ATCAY: variants seen among roughly 807,000 people sequenced by gnomAD.
The protein encoded by ATCAY is ATCAY kinesin light chain interacting caytaxin.
ATCAY carries 22 observed loss-of-function variants against 47.7 expected under a neutral mutation model. That is an observed-to-expected ratio of 0.46 (90% CI 0.33 to 0.66). The LOEUF is 0.66. Ranked by LOEUF, ATCAY falls within the 30% of genes least tolerant of loss-of-function variation. The pLI, the probability that ATCAY is intolerant of heterozygous loss-of-function variation, is 0.02. For missense variants in ATCAY, 452 were observed against 515.0 expected (o/e 0.88, Z 1.18); for synonymous variants, 216 against 207.6 (o/e 1.04, Z -0.35).
chr19:3,894,211 G>T (rs1366933225), intron 2 of ATCAY, among the ~76,000 whole-genome samples: 1 of 151,840 alleles, frequency 6.6e-6, no homozygotes, highest in East Asian at 1.9e-4. Flanking sequence ...GTGGCCGGGC[G>T]CGGTGGCTCA....
chr19:3,892,696 C>T (rs1436961244), intron 2 of ATCAY, among the ~76,000 whole-genome samples: 2 of 152,018 alleles, frequency 1.3e-5, no homozygotes, highest in African/African-American at 2.4e-5. Context: ...CACCTGAGGT[C>T]GGGAGTTCAA....
At chr19:3,913,267 G>A (rs1333451901) in intron 8 of ATCAY, among the ~76,000 whole-genome samples, 1 of 152,162 alleles carries the variant, frequency 6.6e-6, no homozygotes, top group Non-Finnish European at 1.5e-5. Flanking sequence ...CAGCCTGGGT[G>A]AAGAGCAAGA....
intron 1 of ATCAY, among the ~76,000 whole-genome samples, chr19:3,882,182 T>C (rs561228635): frequency 1.3e-5 from 2 of 152,226 alleles, no homozygotes; most frequent in East Asian, 3.9e-4. Flanking sequence ...TTGGGGGCCT[T>C]AGATGCTTCA....
intron 3 of ATCAY, among the ~76,000 whole-genome samples, chr19:3,904,860 A>G (rs927292807): frequency 5.3e-5 from 8 of 151,420 alleles, no homozygotes; most frequent in Non-Finnish European, 1.0e-4. Context: ...TCCTTTATTT[A>G]TTTATTTATT....
At chr19:3,889,920 A>AT (rs533973957) in intron 2 of ATCAY, among the ~76,000 whole-genome samples, 57 of 149,280 alleles carry the variant, frequency 3.8e-4, no homozygotes, top group African/African-American at 1.1e-3. Flanking sequence ...CCCCCTACTG[A>AT]TTTTTTTTTA....
intron 8 of ATCAY, among the ~76,000 whole-genome samples, chr19:3,913,413 CAG>C (rs1464129023): frequency 2.6e-5 from 4 of 152,168 alleles, no homozygotes; most frequent in Non-Finnish European, 5.9e-5. Flanking sequence ...AAAATTAACA[CAG>C]AGGAGCAACT....
rs755746494 is a variant in ATCAY, at chr19:3,920,745, G to A, written c.1074-21G>A. ...CCCAAAAATAAGCAAATAACGCCCA[G>A]TCTCCGTCTCTCCTCCACAGGTCTG... is the stretch of plus-strand genomic sequence containing the variant. On this transcript the variant is annotated intron_variant, in intron 11 of 12. Coordinates refer to ENST00000450849, the MANE Select transcript of ATCAY (RefSeq NM_033064.5). 3.1e-6 allele frequency: 5 copies of A among 1,595,028 alleles called. No individual in the cohort carries two copies. The East Asian group carries it at 9.0e-5, about 29-fold the overall frequency.
At chr19:3,919,270 C>CA (rs2038995368) in intron 11 of ATCAY, among the ~76,000 whole-genome samples, 1 of 149,470 alleles carries the variant, frequency 6.7e-6, no homozygotes. Context: ...GACTCCATCT[C>CA]AAAAAAATAA....
At chr19:3,884,515 G>A (rs527806633) in intron 1 of ATCAY, among the ~76,000 whole-genome samples, 7 of 152,080 alleles carry the variant, frequency 4.6e-5, no homozygotes, top group African/African-American at 1.7e-4. Flanking sequence ...TTCCCAGCAC[G>A]GAAGCTGAAG....
chr19:3,903,816 C>A (rs2038835860), intron 3 of ATCAY, among the ~76,000 whole-genome samples: 1 of 151,266 alleles, frequency 6.6e-6, no homozygotes, highest in Admixed American at 6.6e-5. Context: ...TGAGCCACTG[C>A]ACCCGGCCGC....
chr19:3,918,565 A>AAAT (rs71339084), intron 10 of ATCAY, among the ~76,000 whole-genome samples: 5 of 150,424 alleles, frequency 3.3e-5, no homozygotes, highest in South Asian at 2.1e-4. Flanking sequence ...AAAAAAAAAA[A>AAAT]CAAAAAAAAA....
intron 2 of ATCAY, among the ~76,000 whole-genome samples, chr19:3,892,018 T>C (rs1258546294): frequency 1.3e-5 from 2 of 151,838 alleles, no homozygotes; most frequent in Non-Finnish European, 2.9e-5. Context: ...GCCTCCCAAA[T>C]AGCTGAGTTT....
Position 3,917,478 on chromosome 19 carries a change from C to T in ATCAY, c.966-264C>T, listed in dbSNP as rs147798887. Among the ~76,000 whole-genome samples, 846 of 146,664 alleles carry T rather than the reference C, an allele frequency of 5.8e-3. 4 individuals carry two copies. Among genetic ancestry groups the T allele is most frequent in the Non-Finnish European group, 9.6e-3 (641 of 67,058 alleles). ...AGGTGCCTGTAAGTCCCAGCTACTCCGGAGGCTGAGGCAGCAGAATCACTC... is the reference window on the plus strand; with the variant it reads ...AGGTGCCTGTAAGTCCCAGCTACTCTGGAGGCTGAGGCAGCAGAATCACTC... On this transcript the variant is annotated intron_variant, in intron 9 of 12. Transcript: ENST00000450849.
At chr19:3,922,159 C>T in intron 12 of ATCAY, 1 of 702,430 alleles carries the variant, frequency 1.4e-6, no homozygotes, top group Non-Finnish European at 2.6e-6. Flanking sequence ...CTTTTCTTAG[C>T]CTCCAGCCCC....
At position 3,924,773 on chromosome 19, in the gene ATCAY, A is replaced by AT. The variant is rs796133913; in HGVS notation, c.*193dup. ...CTTTTCAGCTGCTTGAAAACATTGT[A>AT]TTTTTTTTTTTTAACGATGCAGTAT... On this transcript the variant is annotated 3_prime_UTR_variant, in exon 13 of 13. Transcript: ENST00000450849. 5,336 of 493,880 alleles carry AT rather than the reference A, an allele frequency of 0.011. No homozygotes were observed. The highest frequency in any genetic ancestry group is 0.014 in the Non-Finnish European group (4,067 of 287,688). 30.6% of individuals were successfully genotyped at this position (493,880 alleles called of 1,614,324 possible).
In ATCAY at chr19:3,899,041, T is replaced by G. The variant is rs10407407; in HGVS notation, c.78-3446T>G. 2.3e-3 allele frequency among the ~76,000 whole-genome samples: 343 copies of G among 152,254 alleles called. 1 individual carries two copies. The highest frequency in any genetic ancestry group is 7.8e-3 in the African/African-American group (323 of 41,562). ...TTTATGAATTATGTTCATTCAAGTATGAGTTTTCGTGTGAACAGATGTTTT... is the reference window on the plus strand; with the variant it reads ...TTTATGAATTATGTTCATTCAAGTAGGAGTTTTCGTGTGAACAGATGTTTT... On this transcript the variant is annotated intron_variant, in intron 2 of 12. Coordinates refer to ENST00000450849, the MANE Select transcript of ATCAY (RefSeq NM_033064.5).
Position 3,924,980 on chromosome 19 carries a change from A to C in ATCAY, c.*388A>C, listed in dbSNP as rs1599151664. ...ATTCAAGACCCTTCTCTTGCTTGTC[A>C]CCCGCTCCAGGTTGGAGCCACAGAC... On this transcript the variant is annotated 3_prime_UTR_variant, in exon 13 of 13. Coordinates refer to ENST00000450849, the MANE Select transcript of ATCAY (RefSeq NM_033064.5). The C allele has an allele frequency of 5.6e-6, 1 of 179,756 alleles. No individual in the cohort carries two copies. Among genetic ancestry groups the C allele is most frequent in the Non-Finnish European group, 1.2e-5 (1 of 85,074 alleles). The allele number at this position is 179,756 out of a possible 1,614,324, so 11.1% of individuals were successfully genotyped here.
chr19:3,914,412 G>A (rs923526994), intron 9 of ATCAY, among the ~76,000 whole-genome samples: 6 of 151,762 alleles, frequency 4.0e-5, no homozygotes. Context: ...TCACTGTCGC[G>A]AGAATAGCAC....
chr19:3,922,365 C>A, intron 12 of ATCAY: 1 of 619,846 alleles, frequency 1.6e-6, no homozygotes, highest in Non-Finnish European at 2.9e-6. Context: ...CGGAAGCCAC[C>A]TCTTCACCAG....
Sources: allele counts gnomAD v4.1 joint callset (sites outside exome capture counted in the v4.1 genomes callset), GRCh38; gene constraint gnomAD v4.1.1; transcripts MANE v1.5; gene names NCBI Gene and HGNC (gene_info 2026-07-23, HGNC 2026-07-21).